Variants in MVB12B observed in about 807,000 individuals in gnomAD.
MVB12B encodes multivesicular body subunit 12B.
Under a neutral mutation model 41.6 loss-of-function variants are expected in MVB12B, and 16 were observed. The ratio of observed to expected loss-of-function variants is 0.38; its 90% CI spans 0.26 to 0.58. MVB12B has a LOEUF of 0.58. Among genes scored for constraint, MVB12B ranks in the 20% least tolerant of loss-of-function variants. MVB12B has a pLI of 0.62. For missense variants in MVB12B, 274 were observed against 380.2 expected, an observed-to-expected ratio of 0.72 and a Z score of 2.32; for synonymous variants, 133 against 139.7, an observed-to-expected ratio of 0.95 and a Z score of 0.34.
Position 126,342,774 on chromosome 9 carries a change from G to C in MVB12B, c.204+2144G>C, listed in dbSNP as rs767284925. Reference sequence around the variant, plus strand: ...AGGCGGGGAGGGCATGGTGAGAAGAGAGACTTCTCATTCCTTTTATCTGGA... The same window carrying C: ...AGGCGGGGAGGGCATGGTGAGAAGACAGACTTCTCATTCCTTTTATCTGGA... On this transcript the variant is annotated intron_variant, in intron 2 of 9. Coordinates refer to ENST00000361171, the MANE Select transcript of MVB12B (RefSeq NM_033446.3). Among the ~76,000 whole-genome samples the C allele has an allele frequency of 5.3e-5, 8 of 152,310 alleles. No homozygotes were observed. The East Asian group carries it at 1.5e-3, about 29-fold the overall frequency.
At chr9:126,387,250 T>A (rs866105083) in intron 4 of MVB12B, among the ~76,000 whole-genome samples, 2 of 152,172 alleles carry the variant, frequency 1.3e-5, no homozygotes, top group Admixed American at 6.5e-5. Context: ...CATGGGTTAT[T>A]AAATGGTGCT....
chr9:126,423,205 G>A (rs1439396167), intron 7 of MVB12B, among the ~76,000 whole-genome samples: 1 of 152,208 alleles, frequency 6.6e-6, no homozygotes, highest in Non-Finnish European at 1.5e-5. Context: ...TGCACACAAG[G>A]GAAGCTTCAT....
At chr9:126,348,320 G>T (rs1318145073) in intron 2 of MVB12B, among the ~76,000 whole-genome samples, 1 of 152,166 alleles carries the variant, frequency 6.6e-6, no homozygotes, top group Non-Finnish European at 1.5e-5. Flanking sequence ...TTGTCCTGCC[G>T]CACCCTGGCC....
At chr9:126,489,903 C>T (rs1229297743) in intron 9 of MVB12B, among the ~76,000 whole-genome samples, 1 of 152,140 alleles carries the variant, frequency 6.6e-6, no homozygotes, top group Non-Finnish European at 1.5e-5. Flanking sequence ...TTTTCTTGTC[C>T]CGGCCCCACC....
At chr9:126,498,321 T>A (rs1833880753) in intron 9 of MVB12B, among the ~76,000 whole-genome samples, 1 of 152,022 alleles carries the variant, frequency 6.6e-6, no homozygotes, top group Non-Finnish European at 1.5e-5. Context: ...CTCCCCCACC[T>A]CTCCCTGCCT....
At chr9:126,502,411 A>G (rs1412621363) in intron 9 of MVB12B, among the ~76,000 whole-genome samples, 8 of 151,996 alleles carry the variant, frequency 5.3e-5, no homozygotes. Flanking sequence ...CCCTTCTCTA[A>G]ATTTCCATCA....
intron 9 of MVB12B, among the ~76,000 whole-genome samples, chr9:126,494,731 G>A (rs73583141): frequency 0.021 from 3,245 of 152,302 alleles, 75 homozygotes; most frequent in African/African-American, 0.063. Context: ...TTTCCACCCA[G>A]TAACCAGTGG....
intron 9 of MVB12B, among the ~76,000 whole-genome samples, chr9:126,494,863 AC>A (rs200929920): frequency 6.8e-6 from 1 of 146,124 alleles, no homozygotes; most frequent in Non-Finnish European, 1.5e-5. Flanking sequence ...ACCAGGGAGC[AC>A]CCCACCCCCC....
At chr9:126,390,588 A>G (rs1046323682) in intron 4 of MVB12B, among the ~76,000 whole-genome samples, 1 of 152,198 alleles carries the variant, frequency 6.6e-6, no homozygotes, top group African/African-American at 2.4e-5. Context: ...TTTTTTTCCT[A>G]TACAAAACTT....
At chr9:126,366,731 C>A (rs1830192324) in intron 2 of MVB12B, among the ~76,000 whole-genome samples, 1 of 152,136 alleles carries the variant, frequency 6.6e-6, no homozygotes, top group Non-Finnish European at 1.5e-5. Flanking sequence ...TCACTGTGCA[C>A]CCTGCCCAGT....
intron 7 of MVB12B, among the ~76,000 whole-genome samples, chr9:126,432,147 G>A (rs1325734108): frequency 6.6e-6 from 1 of 152,214 alleles, no homozygotes; most frequent in African/African-American, 2.4e-5. Flanking sequence ...CCAACTTTCT[G>A]ATACCTTTCT....
At chr9:126,354,401 T>C (rs1829828351) in intron 2 of MVB12B, among the ~76,000 whole-genome samples, 1 of 152,214 alleles carries the variant, frequency 6.6e-6, no homozygotes, top group Non-Finnish European at 1.5e-5. Flanking sequence ...ATTTGTTTGG[T>C]CTTAATTCTT....
At chr9:126,364,670 A>C (rs535994157) in intron 2 of MVB12B, among the ~76,000 whole-genome samples, 1 of 152,184 alleles carries the variant, frequency 6.6e-6, no homozygotes, top group Non-Finnish European at 1.5e-5. Context: ...GCATTCAGGA[A>C]TTGTGTCTTA....
chr9:126,403,552 T>C (rs1831327713), intron 6 of MVB12B, among the ~76,000 whole-genome samples: 1 of 152,268 alleles, frequency 6.6e-6, no homozygotes, highest in Non-Finnish European at 1.5e-5. Context: ...TGCTGCTTAC[T>C]GATGACAGAG....
chr9:126,372,830 G>A (rs1037288859), intron 2 of MVB12B, among the ~76,000 whole-genome samples: 8 of 152,280 alleles, frequency 5.3e-5, no homozygotes, highest in African/African-American at 1.2e-4. Context: ...TAGAGTAGGG[G>A]ATTCTTTCAG....
chr9:126,413,818 T>TTG (rs34089808), intron 6 of MVB12B, among the ~76,000 whole-genome samples: 11,004 of 109,416 alleles, frequency 0.1, 466 homozygotes, highest in Non-Finnish European at 0.13. Flanking sequence ...ACCCCATTGG[T>TTG]TGTGTGTGTG....
chr9:126,490,936 T>G (rs1457872315), intron 9 of MVB12B, among the ~76,000 whole-genome samples: 1 of 152,234 alleles, frequency 6.6e-6, no homozygotes, highest in East Asian at 1.9e-4. Context: ...GTTCCAGCAA[T>G]TAGGCATTTT....
intron 2 of MVB12B, among the ~76,000 whole-genome samples, chr9:126,348,258 T>C (rs1362473221): frequency 6.6e-6 from 1 of 152,244 alleles, no homozygotes; most frequent in Non-Finnish European, 1.5e-5. Context: ...CTTTGTTCCC[T>C]GTGGCCTGGA....
At chr9:126,339,497 C>T (rs543535772) in intron 1 of MVB12B, among the ~76,000 whole-genome samples, 24 of 152,316 alleles carry the variant, frequency 1.6e-4, no homozygotes, top group Admixed American at 1.3e-3. Context: ...ACTGCCACTC[C>T]AGCTGCCCAG....
Sources: allele counts gnomAD v4.1 joint callset (sites outside exome capture counted in the v4.1 genomes callset), GRCh38; gene constraint gnomAD v4.1.1; transcripts MANE v1.5; gene names NCBI Gene and HGNC (gene_info 2026-07-23, HGNC 2026-07-21).